The following ATAD3C variants were observed in gnomAD, a reference collection of about 807,000 sequenced individuals.
The protein encoded by ATAD3C is ATPase family AAA domain containing 3C.
ATAD3C carries 38 observed loss-of-function variants against 46.3 expected under a neutral mutation model. That is an observed-to-expected ratio of 0.82 (90% CI 0.63 to 1.08). ATAD3C has a LOEUF of 1.08. Ranked by LOEUF, ATAD3C falls within the 50% of genes least tolerant of loss-of-function variation. The probability of loss-of-function intolerance (pLI) is 0.00; values close to 1 mark genes in which losing one functional copy is unlikely to be tolerated. For synonymous variants in ATAD3C, 220 were observed against 236.4 expected, an observed-to-expected ratio of 0.93 and a Z score of 0.63; for missense variants, 563 against 572.7, an observed-to-expected ratio of 0.98 and a Z score of 0.17.
intron 8 of ATAD3C, 28 bp downstream of exon 8, chr1:1,457,208 C>T: frequency 6.2e-7 from 1 of 1,613,308 alleles, no homozygotes; most frequent in South Asian, 1.1e-5. Context: ...TCTGTCTGGC[C>T]ACAGGAGGGT....
chr1:1,451,660 C>T (rs1638860833), intron 1 of ATAD3C, among the ~76,000 whole-genome samples: 1 of 152,102 alleles, frequency 6.6e-6, no homozygotes, highest in Admixed American at 6.6e-5. Context: ...ACCTTCAGTC[C>T]TGAGCTCACA....
chr1:1,461,575 C>T (rs560325796), intron 10 of ATAD3C, among the ~76,000 whole-genome samples: 9 of 138,792 alleles, frequency 6.5e-5, no homozygotes, highest in Non-Finnish European at 1.2e-4. Flanking sequence ...GGGGAGGTGA[C>T]GTGGAGTGTT....
Position 1,468,774 on chromosome 1 carries a change from C to T in ATAD3C, c.*244C>T. ...TTTAACCACAGAGGGGTGGGCTTCA[C>T]AGGAGGTGGCTGCCACGGCGGGGCC... On this transcript the variant is annotated 3_prime_UTR_variant, in exon 12 of 12. Coordinates refer to ENST00000378785, the MANE Select transcript of ATAD3C (RefSeq NM_001039211.3). 1.4e-6 allele frequency: 1 copy of T among 726,068 alleles called. No individual in the cohort carries two copies. Among genetic ancestry groups the T allele is most frequent in the Non-Finnish European group, 2.1e-6 (1 of 466,866 alleles). 45.0% of individuals were successfully genotyped at this position (726,068 alleles called of 1,614,324 possible).
chr1:1,454,695 G>T (rs1247993373), intron 4 of ATAD3C, among the ~76,000 whole-genome samples, 195 bp downstream of exon 4: 2 of 151,840 alleles, frequency 1.3e-5, no homozygotes, highest in East Asian at 3.9e-4. Context: ...CCCTTCCCCT[G>T]TCTGCCTCGG....
At position 1,468,783 on chromosome 1, in the gene ATAD3C, G is replaced by A; in HGVS notation, c.*253G>A. 3.0e-6 allele frequency: 2 copies of A among 666,818 alleles called. No individual in the cohort carries two copies. Among genetic ancestry groups the A allele is most frequent in the Non-Finnish European group, 4.8e-6 (2 of 420,602 alleles). 41.3% of individuals were successfully genotyped at this position (666,818 alleles called of 1,614,324 possible). ...AGAGGGGTGGGCTTCACAGGAGGTG[G>A]CTGCCACGGCGGGGCCGGGTGCCCG... On this transcript the variant is annotated 3_prime_UTR_variant, in exon 12 of 12. Transcript: ENST00000378785.
At position 1,455,652 on chromosome 1, in the gene ATAD3C, G is replaced by A; in HGVS notation, c.438+133G>A. 6.4e-6 allele frequency: 10 copies of A among 1,560,270 alleles called. No individual in the cohort carries two copies. In the South Asian group the frequency reaches 9.3e-5, roughly 14 times the overall value. ...CCTGAGATGCGACTGCTTGGACCGT[G>A]CCGGGGATAGATAGGCTGCCCACGA... On this transcript the variant is annotated intron_variant, in intron 5 of 11. Coordinates refer to ENST00000378785, the MANE Select transcript of ATAD3C (RefSeq NM_001039211.3).
rs1638868718 is a variant in ATAD3C, at chr1:1,452,040, TCTC to T, written c.76-5_76-3del. On this transcript the variant is annotated splice_region_variant and splice_polypyrimidine_tract_variant and intron_variant, in intron 1 of 11. Transcript: ENST00000378785. ...GCTTTTCTCTTTTTCTGCGGCTTCT[TCTC>T]AGCAACTTGTCAATGAGGATTTACG... The T allele has an allele frequency of 6.2e-7, 1 of 1,613,374 alleles. No individual in the cohort carries two copies. Among genetic ancestry groups the T allele is most frequent in the Non-Finnish European group, 8.5e-7 (1 of 1,179,572 alleles).
At chr1:1,463,201 C>T (rs1427641408) in intron 11 of ATAD3C, among the ~76,000 whole-genome samples, 1 of 152,070 alleles carries the variant, frequency 6.6e-6, no homozygotes, top group African/African-American at 2.4e-5. Context: ...AGGGGCACCC[C>T]TCCTGCAGCT....
chr1:1,455,021 C>A (rs1638929608), intron 4 of ATAD3C, among the ~76,000 whole-genome samples: 1 of 151,580 alleles, frequency 6.6e-6, no homozygotes, highest in African/African-American at 2.4e-5. Flanking sequence ...CGAGACCATC[C>A]TGGCTAACAC....
At chr1:1,457,710 T>C (rs1050260768) in intron 8 of ATAD3C, among the ~76,000 whole-genome samples, 1 of 151,792 alleles carries the variant, frequency 6.6e-6, no homozygotes, top group Non-Finnish European at 1.5e-5. Context: ...GATGGTGTCT[T>C]GCTTTGTTGC....
Position 1,455,313 on chromosome 1 carries a change from C to G in ATAD3C, c.379-147C>G. The G allele has an allele frequency of 3.4e-6, 4 of 1,178,762 alleles. No individual in the cohort carries two copies. In the East Asian group the frequency reaches 1.0e-4, roughly 31 times the overall value. 73.0% of individuals were successfully genotyped at this position (1,178,762 alleles called of 1,614,324 possible). A position where few individuals can be genotyped will look rare whatever the true frequency, so the allele number is the denominator to read the frequency against. On this transcript the variant is annotated intron_variant, in intron 4 of 11. Coordinates refer to ENST00000378785, the MANE Select transcript of ATAD3C (RefSeq NM_001039211.3). ...ATCCCTGCAACAGACACCCAGTCTC[C>G]CGGCGGGGCGGGGTTCCAGCTCCAG...
At chr1:1,461,083 C>G (rs2100486124) in intron 10 of ATAD3C, among the ~76,000 whole-genome samples, 166 bp downstream of exon 10, 1 of 152,154 alleles carries the variant, frequency 6.6e-6, no homozygotes, top group East Asian at 1.9e-4. Context: ...GTCCCAGAGG[C>G]CGCATCCAGG....
At chr1:1,466,287 C>T (rs1042202009) in intron 11 of ATAD3C, among the ~76,000 whole-genome samples, 1 of 150,532 alleles carries the variant, frequency 6.6e-6, no homozygotes, top group African/African-American at 2.4e-5. Context: ...GTGGCTCACG[C>T]CTGTAATCCC....
At chr1:1,458,643 G>A (rs539640543) in intron 8 of ATAD3C, among the ~76,000 whole-genome samples, 3 of 151,696 alleles carry the variant, frequency 2.0e-5, no homozygotes, top group East Asian at 1.9e-4. Context: ...GGCTGGGCTC[G>A]AACTTCTGAG....
At position 1,460,692 on chromosome 1, in the gene ATAD3C, C is replaced by T. The variant is rs942311380; in HGVS notation, c.813-58C>T. The T allele has an allele frequency of 9.2e-6, 14 of 1,513,630 alleles. No homozygotes were observed. In the African/African-American group the frequency reaches 1.7e-4, roughly 18 times the overall value. The allele number at this position is 1,513,630 out of a possible 1,614,324, so 93.8% of individuals were successfully genotyped here. On this transcript the variant is annotated intron_variant, in intron 9 of 11. Coordinates refer to ENST00000378785, the MANE Select transcript of ATAD3C (RefSeq NM_001039211.3). ...TGAGGGGGCTGAGGAGCACCTGTTC[C>T]CCTGGGGACAGCTCGGCCGGCAGCC...
chr1:1,451,450 C>T (rs1389967039), intron 1 of ATAD3C, among the ~76,000 whole-genome samples: 2 of 151,792 alleles, frequency 1.3e-5, no homozygotes, highest in Non-Finnish European at 2.9e-5. Flanking sequence ...GGGTTCAAGC[C>T]ATTCTCCTGC....
At chr1:1,453,160 C>T (rs921473275) in intron 3 of ATAD3C, among the ~76,000 whole-genome samples, 3 of 152,086 alleles carry the variant, frequency 2.0e-5, no homozygotes, top group Non-Finnish European at 2.9e-5. Flanking sequence ...GTTGGTGAGA[C>T]GGTGTCACCT....
At chr1:1,457,494 G>C (rs1484554555) in intron 8 of ATAD3C, among the ~76,000 whole-genome samples, 1 of 150,274 alleles carries the variant, frequency 6.7e-6, no homozygotes, top group Non-Finnish European at 1.5e-5. Flanking sequence ...TACTCGGGAG[G>C]CTGAGGCAGG....
At chr1:1,452,194 C>T (rs774303625) in intron 2 of ATAD3C, 72 bp downstream of exon 2, 19 of 1,588,568 alleles carry the variant, frequency 1.2e-5, no homozygotes, top group Admixed American at 1.8e-5. Context: ...TCCCAGGGTG[C>T]TCTCCAGCTC....
Sources: allele counts gnomAD v4.1 joint callset (sites outside exome capture counted in the v4.1 genomes callset), GRCh38; gene constraint gnomAD v4.1.1; transcripts MANE v1.5; gene names NCBI Gene and HGNC (gene_info 2026-07-23, HGNC 2026-07-21).